The following TYW1 variants were observed in gnomAD, a reference collection of about 807,000 sequenced individuals.
TYW1 encodes the protein tRNA-yW synthesizing protein 1 homolog.
In TYW1, 46 loss-of-function variants were observed where a neutral mutation model predicts 96.2. That is an observed-to-expected ratio of 0.48 (90% CI 0.38 to 0.61). The LOEUF (loss-of-function observed/expected upper bound fraction) is 0.61, where lower values mean the gene tolerates loss of function less well. Among genes scored for constraint, TYW1 ranks in the 20% least tolerant of loss-of-function variants. The probability of loss-of-function intolerance (pLI) is 0.00; values close to 1 mark genes in which losing one functional copy is unlikely to be tolerated. For synonymous variants in TYW1, 274 were observed against 323.0 expected (o/e 0.85, Z 1.63); for missense variants, 684 against 909.6 (o/e 0.75, Z 3.19).
chr7:67,102,252 T>C (rs1416277877), intron 12 of TYW1, among the ~76,000 whole-genome samples: 3 of 152,166 alleles, frequency 2.0e-5, no homozygotes, highest in Non-Finnish European at 4.4e-5. Context: ...TTATAGAGTA[T>C]GATATAAGAT....
chr7:67,190,627 A>G (rs1225964616), intron 14 of TYW1, among the ~76,000 whole-genome samples: 1 of 152,242 alleles, frequency 6.6e-6, no homozygotes, highest in Non-Finnish European at 1.5e-5. Context: ...GGCCAAAGAC[A>G]GGGGCTTGAA....
At chr7:67,072,409 G>A (rs1796057349) in intron 10 of TYW1, among the ~76,000 whole-genome samples, 1 of 151,956 alleles carries the variant, frequency 6.6e-6, no homozygotes, top group African/African-American at 2.4e-5. Flanking sequence ...ACCATGCCCT[G>A]CTAATTTTTT....
At chr7:67,006,284 G>A (rs917867076) in intron 3 of TYW1, among the ~76,000 whole-genome samples, 8 of 152,124 alleles carry the variant, frequency 5.3e-5, no homozygotes, top group African/African-American at 1.9e-4. Flanking sequence ...CATGTCATGT[G>A]CCTGCCCCTC....
At chr7:67,176,794 C>T (rs534779339) in intron 13 of TYW1, among the ~76,000 whole-genome samples, 2,454 of 152,212 alleles carry the variant, frequency 0.016, 30 homozygotes, top group Admixed American at 0.044. Context: ...GATTTTTCAA[C>T]ATTGGCACCA....
rs531841109 is a variant in TYW1 at position 67,176,364 on chromosome 7, T to C, written c.1699-6762T>C. Among the ~76,000 whole-genome samples the C allele has an allele frequency of 2.0e-5, 3 of 152,358 alleles. No homozygotes were observed. In the South Asian group the frequency reaches 6.2e-4, roughly 32 times the overall value. On this transcript the variant is annotated intron_variant, in intron 13 of 15. Coordinates refer to ENST00000359626, the MANE Select transcript of TYW1 (RefSeq NM_018264.4). ...TTATTTATGGTAGCCACTAGCTACA[T>C]GTGACCATTGAGTACTTGAAACGTG...
intron 7 of TYW1, among the ~76,000 whole-genome samples, chr7:67,031,948 G>A (rs1028476519): frequency 3.4e-4 from 51 of 152,206 alleles, no homozygotes; most frequent in Middle Eastern, 3.4e-3. Context: ...GTAGTTTCTC[G>A]TCAAAAAATG....
chr7:67,056,305 A>G (rs1795514919), intron 9 of TYW1, among the ~76,000 whole-genome samples: 2 of 152,184 alleles, frequency 1.3e-5, no homozygotes. Flanking sequence ...CAGCCTGGCC[A>G]AAATGGTGAA....
At chr7:67,062,566 C>CAAAAAAAAAAAAAAAAAAAAAA (rs56770876) in intron 9 of TYW1, among the ~76,000 whole-genome samples, 4 of 89,152 alleles carry the variant, frequency 4.5e-5, no homozygotes, top group African/African-American at 1.3e-4. Context: ...GACTCCGTCT[C>CAAAAAAAAAAAAAAAAAAAAAA]AAAAAAAAAA....
intron 13 of TYW1, among the ~76,000 whole-genome samples, chr7:67,121,114 T>G (rs1449620075): frequency 2.9e-5 from 4 of 138,636 alleles, no homozygotes; most frequent in Non-Finnish European, 4.6e-5. Context: ...CTCAAGCTGT[T>G]ATTTCCTTCT....
intron 15 of TYW1, among the ~76,000 whole-genome samples, chr7:67,225,249 C>G (rs1801524352): frequency 6.7e-6 from 1 of 148,564 alleles, no homozygotes; most frequent in Non-Finnish European, 1.5e-5. Flanking sequence ...TAGGACACGA[C>G]TAGAATTCAA....
At position 67,083,562 on chromosome 7, in the gene TYW1, G is replaced by A. The variant is rs760353206; in HGVS notation, c.1384+23G>A. 1.4e-5 allele frequency: 23 copies of A among 1,612,656 alleles called. No homozygotes were observed. The East Asian group carries it at 4.9e-4, about 34-fold the overall frequency. On this transcript the variant is annotated intron_variant, in intron 11 of 15. Transcript: ENST00000359626. ...AAGGTATTTATCTTCCCTCTACAAAGGAATGCTAATACCTGTTAATAGTCT... is the reference window on the plus strand; with the variant it reads ...AAGGTATTTATCTTCCCTCTACAAAAGAATGCTAATACCTGTTAATAGTCT...
At chr7:67,132,234 C>A (rs1798100781) in intron 13 of TYW1, among the ~76,000 whole-genome samples, 2 of 150,602 alleles carry the variant, frequency 1.3e-5, no homozygotes, top group African/African-American at 4.9e-5. Flanking sequence ...CTTCAGCCTC[C>A]CAAGTAGCTA....
chr7:67,044,782 G>T (rs1471806981), intron 7 of TYW1, among the ~76,000 whole-genome samples: 2 of 151,934 alleles, frequency 1.3e-5, no homozygotes, highest in African/African-American at 2.4e-5. Context: ...ACCATGCCCG[G>T]CTAATTTTTG....
At chr7:67,136,685 G>GTA (rs1182173982) in intron 13 of TYW1, among the ~76,000 whole-genome samples, 151 of 122,282 alleles carry the variant, frequency 1.2e-3, no homozygotes, top group Middle Eastern at 4.3e-3. Flanking sequence ...GTGTGTGTGT[G>GTA]TATATATATA....
At chr7:67,035,797 C>T (rs1469541844) in intron 7 of TYW1, among the ~76,000 whole-genome samples, 1 of 152,070 alleles carries the variant, frequency 6.6e-6, no homozygotes, top group East Asian at 1.9e-4. Flanking sequence ...CCTGCTTTAG[C>T]CTCCCGAGTA....
At chr7:67,186,248 T>C (rs1800013524) in intron 14 of TYW1, among the ~76,000 whole-genome samples, 1 of 132,494 alleles carries the variant, frequency 7.5e-6, no homozygotes, top group African/African-American at 3.0e-5. Context: ...TCCCTTTTTT[T>C]CATTTCCTTC....
intron 13 of TYW1, among the ~76,000 whole-genome samples, chr7:67,143,103 A>G (rs1208541007): frequency 6.6e-6 from 1 of 152,076 alleles, no homozygotes; most frequent in Admixed American, 6.6e-5. Context: ...TTCTTAGAAT[A>G]ATTTTTGTGT....
chr7:67,187,570 C>T (rs12155330), intron 14 of TYW1, among the ~76,000 whole-genome samples: 44,063 of 152,082 alleles, frequency 0.29, 7,079 homozygotes, highest in African/African-American at 0.43. Flanking sequence ...TAATGAGATT[C>T]TTCCTTTGAT....
chr7:67,134,481 G>T (rs2116073970), intron 13 of TYW1, among the ~76,000 whole-genome samples: 1 of 151,904 alleles, frequency 6.6e-6, no homozygotes, highest in South Asian at 2.1e-4. Context: ...GATGGAGGTT[G>T]CAGTGAGCCA....
Sources: gnomAD v4.1 joint callset for allele counts (sites outside exome capture counted in the v4.1 genomes callset) on GRCh38, gnomAD v4.1.1 for gene constraint, MANE v1.5 for transcripts, NCBI Gene and HGNC (gene_info 2026-07-23, HGNC 2026-07-21) for gene names.